Variants in SGK2 observed in about 807,000 individuals in gnomAD.
SGK2 encodes serum/glucocorticoid regulated kinase 2, also known as serine/threonine-protein kinase Sgk2.
SGK2 carries 36 observed loss-of-function variants against 47.5 expected under a neutral mutation model. That is an observed-to-expected ratio of 0.76 (90% CI 0.58 to 1.00). SGK2 has a LOEUF of 1.00. Among genes scored for constraint, SGK2 ranks in the 50% least tolerant of loss-of-function variants. SGK2 has a pLI of 0.00. For synonymous variants in SGK2, 157 were observed against 181.9 expected (o/e 0.86, Z 1.10); for missense variants, 404 against 467.4 (o/e 0.86, Z 1.25).
At position 43,566,941 on chromosome 20, in the gene SGK2, A is replaced by C. The variant is rs970932863; in HGVS notation, c.37-127A>C. ...GAGGCGGGCAGGCGGGCAGGTGAAA[A>C]AAAAAGAAAAGAAAAAGGCAGGCAG... On this transcript the variant is annotated intron_variant, in intron 2 of 12. Transcript: ENST00000373100. 16 of 721,046 alleles carry C rather than the reference A, an allele frequency of 2.2e-5. No homozygotes were observed. The African/African-American group carries it at 2.9e-4, about 13-fold the overall frequency. 44.7% of individuals were successfully genotyped at this position (721,046 alleles called of 1,614,324 possible). A position where few individuals can be genotyped will look rare whatever the true frequency, so the allele number is the denominator to read the frequency against.
At chr20:43,575,260 C>T (rs569197380) in intron 10 of SGK2, among the ~76,000 whole-genome samples, 2 of 152,164 alleles carry the variant, frequency 1.3e-5, no homozygotes, top group Middle Eastern at 3.4e-3. Context: ...GTCAGGAGTT[C>T]AAGACCAGCC....
intron 3 of SGK2, 111 bp from the exon 4 acceptor site, chr20:43,567,554 G>T: frequency 1.0e-6 from 1 of 960,596 alleles, no homozygotes; most frequent in Non-Finnish European, 1.6e-6. Flanking sequence ...GCTCCTGGAA[G>T]GCTCTCTGTA....
chr20:43,580,269 G>C (rs1342107902), intron 12 of SGK2, among the ~76,000 whole-genome samples: 1 of 152,156 alleles, frequency 6.6e-6, no homozygotes, highest in East Asian at 1.9e-4. Flanking sequence ...CCTTTGTCTT[G>C]AGCACCAATA....
At chr20:43,584,133 G>A (rs1198532554) in intron 12 of SGK2, among the ~76,000 whole-genome samples, 6 of 152,080 alleles carry the variant, frequency 3.9e-5, no homozygotes, top group African/African-American at 1.2e-4. Context: ...AGGCAGCCAG[G>A]GCAACTGAGT....
In SGK2 at chr20:43,570,641, C is replaced by T. The variant is rs915237238; in HGVS notation, c.385C>T (p.Arg129Cys). Residue 129 changes from arginine (R) to cysteine (C), a missense_variant, in exon 7 of 13, where the codon CGC becomes TGC. Physicochemically the swap from Arg to Cys is radical, Grantham distance 180. Coordinates refer to ENST00000373100, the MANE Select transcript of SGK2 (RefSeq NM_170693.3). The stretch of plus-strand genomic sequence containing the variant: ...GCTCTTCTTCCACCTGCAGCGGGAG[C>T]GCCGGTTCCTGGAGCCCCGGGCCAG... ...GELFFHLQRE[R>C]RFLEPRARFY... The T allele has an allele frequency of 9.3e-6, 15 of 1,610,336 alleles. No homozygotes were observed. In the Admixed American group the frequency reaches 1.0e-4, roughly 11 times the overall value.
At chr20:43,570,538 G>T in intron 6 of SGK2, 79 bp from the exon 7 acceptor site, 2 of 907,662 alleles carry the variant, frequency 2.2e-6, no homozygotes, top group East Asian at 2.5e-5. Flanking sequence ...GCTCGCAGCC[G>T]CACAGGGCGG....
At chr20:43,575,172 G>T (rs944496239) in intron 10 of SGK2, among the ~76,000 whole-genome samples, 168 bp downstream of exon 10, 1 of 152,028 alleles carries the variant, frequency 6.6e-6, no homozygotes, top group African/African-American at 2.4e-5. Flanking sequence ...TTTCAATAAT[G>T]TTAGTTTAGG....
At chr20:43,577,724 A>T (rs1424583781) in intron 11 of SGK2, among the ~76,000 whole-genome samples, 1 of 149,484 alleles carries the variant, frequency 6.7e-6, no homozygotes, top group Admixed American at 6.7e-5. Context: ...ACTCACTGCA[A>T]CCTCCATCTC....
chr20:43,567,986 TAAAG>T lies in SGK2; in HGVS notation c.218_221del (p.Lys73ArgfsTer15). 6.2e-7 allele frequency: 1 copy of T among 1,614,046 alleles called. No homozygotes were observed. Among genetic ancestry groups the T allele is most frequent in the Non-Finnish European group, 8.5e-7 (1 of 1,179,894 alleles). Reference sequence around the variant, plus strand: ...AAGGTACTACAGAAAAAGTCCATCTTAAAGAAGAAAGAGGTACCAGAGCTCGGGC... The same window carrying T: ...AAGGTACTACAGAAAAAGTCCATCTTAAGAAAGAGGTACCAGAGCTCGGGC... On this transcript the variant is annotated frameshift_variant, in exon 5 of 13. Coordinates refer to ENST00000373100, the MANE Select transcript of SGK2 (RefSeq NM_170693.3). LOFTEE classifies it high-confidence loss of function.
At chr20:43,561,875 G>T (rs535508267) in intron 1 of SGK2, among the ~76,000 whole-genome samples, 2 of 152,200 alleles carry the variant, frequency 1.3e-5, no homozygotes, top group Non-Finnish European at 2.9e-5. Context: ...GACAATGGGG[G>T]CTCAGGCAGG....
At chr20:43,568,871 T>C (rs983660484) in intron 5 of SGK2, among the ~76,000 whole-genome samples, 2 of 151,852 alleles carry the variant, frequency 1.3e-5, no homozygotes, top group Admixed American at 6.6e-5. Context: ...GCATAGGAGG[T>C]TGGGGGACTC....
intron 5 of SGK2, among the ~76,000 whole-genome samples, chr20:43,568,203 A>T (rs184699673): frequency 6.6e-6 from 1 of 152,186 alleles, no homozygotes; most frequent in South Asian, 2.1e-4. Context: ...CAGGGCTTTC[A>T]GGAAAACCAG....
intron 10 of SGK2, 103 bp downstream of exon 10, chr20:43,575,107 C>T: frequency 1.4e-6 from 1 of 715,556 alleles, no homozygotes; most frequent in Non-Finnish European, 2.5e-6. Context: ...CAAGCCATCT[C>T]TTCATTCCAG....
intron 12 of SGK2, chr20:43,583,714 A>G: frequency 3.3e-6 from 2 of 605,554 alleles, no homozygotes; most frequent in Non-Finnish European, 4.1e-6. Context: ...CATATCTGTA[A>G]CCCCAGCACT....
intron 1 of SGK2, among the ~76,000 whole-genome samples, chr20:43,561,800 G>C (rs1979402810): frequency 6.6e-6 from 1 of 151,572 alleles, no homozygotes; most frequent in Admixed American, 6.6e-5. Context: ...CATAGAGAAA[G>C]ATTGTAGTGG....
At position 43,572,183 on chromosome 20, in the gene SGK2, G is replaced by A. The variant is rs1428200685; in HGVS notation, c.597+46G>A. ...AGAGGGGAGGTCATGAGTGGGTGAGGCCACAGCTCCTGATTAGAGCCAACA... is the reference window on the plus strand; with the variant it reads ...AGAGGGGAGGTCATGAGTGGGTGAGACCACAGCTCCTGATTAGAGCCAACA... On this transcript the variant is annotated intron_variant, in intron 9 of 12. Coordinates refer to ENST00000373100, the MANE Select transcript of SGK2 (RefSeq NM_170693.3). This position sits in a 1 kb window ranked among gnomAD's most constrained non-coding sequence, Gnocchi z 4.2. 9 of 1,395,756 alleles carry A rather than the reference G, an allele frequency of 6.4e-6. No individual in the cohort carries two copies. The highest frequency in any genetic ancestry group is 8.9e-6 in the Non-Finnish European group (9 of 1,006,646). 86.5% of individuals were successfully genotyped at this position (1,395,756 alleles called of 1,614,324 possible). A position where few individuals can be genotyped will look rare whatever the true frequency, so the allele number is the denominator to read the frequency against.
chr20:43,574,723 C>T (rs558083277), intron 9 of SGK2, among the ~76,000 whole-genome samples, 186 bp from the exon 10 acceptor site: 41 of 152,286 alleles, frequency 2.7e-4, no homozygotes, highest in African/African-American at 8.7e-4. Flanking sequence ...CATCCCCAAC[C>T]CATGGCAAAG....
At chr20:43,563,131 G>GT (rs1462295282) in intron 1 of SGK2, among the ~76,000 whole-genome samples, 2 of 113,468 alleles carry the variant, frequency 1.8e-5, no homozygotes, top group African/African-American at 4.1e-5. Context: ...GCAAGACTCT[G>GT]TCTCAAAAAA....
intron 1 of SGK2, among the ~76,000 whole-genome samples, chr20:43,564,224 G>A (rs574620981): frequency 6.6e-6 from 1 of 152,252 alleles, no homozygotes; most frequent in Non-Finnish European, 1.5e-5. Context: ...GGCCAACCAG[G>A]CCTGCCCTGA....
Sources: allele counts gnomAD v4.1 joint callset (sites outside exome capture counted in the v4.1 genomes callset), GRCh38; gene constraint gnomAD v4.1.1; non-coding constraint Gnocchi (gnomAD v3.1); transcripts MANE v1.5; gene names NCBI Gene and HGNC (gene_info 2026-07-23, HGNC 2026-07-21).